The following PARD3 variants were observed in gnomAD, a reference collection of about 807,000 sequenced individuals.
PARD3 encodes the protein partitioning defective 3 homolog.
A neutral mutation model predicts 155.4 loss-of-function variants in PARD3; 75 were observed. That is an observed-to-expected ratio of 0.48 (90% confidence interval 0.40 to 0.58). The LOEUF is 0.58. Ranked by LOEUF, PARD3 falls within the 20% of genes least tolerant of loss-of-function variation. PARD3 has a pLI of 0.00. For missense variants in PARD3, 1,642 were observed against 1,721.7 expected (o/e 0.95, Z 0.82); for synonymous variants, 576 against 610.5 (o/e 0.94, Z 0.83).
At chr10:34,690,939 G>A (rs539562328) in intron 2 of PARD3, among the ~76,000 whole-genome samples, 76 of 152,298 alleles carry the variant, frequency 5.0e-4, no homozygotes, top group African/African-American at 1.1e-3. Flanking sequence ...ACAGCCGAGC[G>A]CAGTGGCTCA....
intron 20 of PARD3, among the ~76,000 whole-genome samples, chr10:34,297,136 C>G (rs1407790145): frequency 6.6e-6 from 1 of 152,094 alleles, no homozygotes; most frequent in East Asian, 1.9e-4. Flanking sequence ...GACCACGTCT[C>G]TAGAAAATAT....
rs182317076 is a variant in PARD3 at position 34,181,386 on chromosome 10, G to A, written c.3420-49803C>T. Among the ~76,000 whole-genome samples the A allele has an allele frequency of 1.3e-4, 20 of 152,200 alleles. No homozygotes were observed. The East Asian group carries it at 2.9e-3, about 22-fold the overall frequency. On this transcript the variant is annotated intron_variant, in intron 22 of 24. Transcript: ENST00000374788. ...GTTCAAAAATACGTATCTGTATAAC[G>A]ACCAGTTTGCAAGTTGAAAAGCATT...
At chr10:34,413,893 A>G (rs1845383465) in intron 5 of PARD3, among the ~76,000 whole-genome samples, 2 of 152,232 alleles carry the variant, frequency 1.3e-5, no homozygotes, top group Admixed American at 1.3e-4. Context: ...TAGTAATAAC[A>G]TTGCAAATGT....
rs568992613 is a variant in PARD3, at chr10:34,204,505, C to T, written c.3419+65152G>A. Among the ~76,000 whole-genome samples, 6 of 152,282 alleles carry T rather than the reference C, an allele frequency of 3.9e-5. No individual in the cohort carries two copies. In the East Asian group the frequency reaches 5.8e-4, roughly 15 times the overall value. On this transcript the variant is annotated intron_variant, in intron 22 of 24. Transcript: ENST00000374788. The stretch of plus-strand genomic sequence containing the variant: ...CCCCTTAACGACCTCCACCTTGCAA[C>T]CTTCATTTAACCCAAAACTCAGGGC...
At chr10:34,260,860 T>G (rs752822368) in intron 22 of PARD3, among the ~76,000 whole-genome samples, 1 of 152,190 alleles carries the variant, frequency 6.6e-6, no homozygotes, top group Non-Finnish European at 1.5e-5. Context: ...AGTGCCTATA[T>G]CTAAGAAAAT....
chr10:34,382,833 AGTT>A lies in PARD3; in HGVS notation c.1103_1105del (p.Gln368del), dbSNP rs768248000. 6.2e-7 allele frequency: 1 copy of A among 1,614,190 alleles called. No homozygotes were observed. The highest frequency in any genetic ancestry group is 1.1e-5 in the South Asian group (1 of 91,090). On this transcript the variant is annotated inframe_deletion, in exon 9 of 25. Coordinates refer to ENST00000374788, the MANE Select transcript of PARD3 (RefSeq NM_001184785.2). ...GTAATTGTTCTTCTCACTTTGGGAT[AGTT>A]GTTCATACTGCTCTTTATTTGCTGC...
At chr10:34,611,544 G>A (rs1320045155) in intron 2 of PARD3, among the ~76,000 whole-genome samples, 5 of 152,064 alleles carry the variant, frequency 3.3e-5, no homozygotes. Context: ...AATATGACCA[G>A]AAAAATTAAC....
At chr10:34,798,081 A>C (rs1164748404) in intron 1 of PARD3, among the ~76,000 whole-genome samples, 2 of 152,112 alleles carry the variant, frequency 1.3e-5, no homozygotes, top group Non-Finnish European at 2.9e-5. Context: ...GTGTTATGGG[A>C]GGCTGAGGCA....
intron 22 of PARD3, among the ~76,000 whole-genome samples, chr10:34,204,409 G>C (rs11009677): frequency 6.6e-6 from 1 of 152,178 alleles, no homozygotes; most frequent in Admixed American, 6.5e-5. Context: ...GTGTTGGCAG[G>C]CTGGGTAGGA....
At chr10:34,663,959 G>A (rs1358488106) in intron 2 of PARD3, 1 of 152,244 alleles carries the variant, frequency 6.6e-6, no homozygotes, top group Non-Finnish European at 1.5e-5. Context: ...CATTCAACCA[G>A]CCCTGGTGTT....
At chr10:34,593,713 G>A (rs2088946441) in intron 2 of PARD3, among the ~76,000 whole-genome samples, 1 of 152,214 alleles carries the variant, frequency 6.6e-6, no homozygotes, top group African/African-American at 2.4e-5. Context: ...GGAACAGAGA[G>A]CCTGCCATTT....
At chr10:34,301,641 C>T (rs911098696) in intron 20 of PARD3, among the ~76,000 whole-genome samples, 9 of 152,214 alleles carry the variant, frequency 5.9e-5, no homozygotes, top group Non-Finnish European at 1.0e-4. Context: ...CAGCCCTTCC[C>T]CCTCTTCCAC....
intron 23 of PARD3, among the ~76,000 whole-genome samples, chr10:34,120,280 C>T (rs1375727230): frequency 1.3e-5 from 2 of 148,484 alleles, no homozygotes; most frequent in African/African-American, 5.0e-5. Context: ...GCTGAGATTA[C>T]AGGTGTAAGC....
chr10:34,189,982 A>G (rs780128353), intron 22 of PARD3, among the ~76,000 whole-genome samples: 1 of 152,148 alleles, frequency 6.6e-6, no homozygotes, highest in Non-Finnish European at 1.5e-5. Context: ...TTATTGTATG[A>G]CAGAGTGTAC....
chr10:34,672,614 T>C (rs1427210670), intron 2 of PARD3, among the ~76,000 whole-genome samples: 1 of 152,186 alleles, frequency 6.6e-6, no homozygotes, highest in Non-Finnish European at 1.5e-5. Flanking sequence ...GGTCAGGAGT[T>C]CGAGGTTCCA....
At chr10:34,477,914 T>A (rs890620406) in intron 3 of PARD3, among the ~76,000 whole-genome samples, 1 of 152,224 alleles carries the variant, frequency 6.6e-6, no homozygotes, top group African/African-American at 2.4e-5. Flanking sequence ...TAAAGAGACA[T>A]CTAACCATGG....
At chr10:34,577,444 G>A (rs1040533336) in intron 2 of PARD3, among the ~76,000 whole-genome samples, 1 of 152,162 alleles carries the variant, frequency 6.6e-6, no homozygotes, top group African/African-American at 2.4e-5. Flanking sequence ...ACCTTGCACC[G>A]AAGCACAAGC....
intron 1 of PARD3, among the ~76,000 whole-genome samples, chr10:34,712,322 T>G (rs1315771316): frequency 6.6e-6 from 1 of 152,210 alleles, no homozygotes; most frequent in Non-Finnish European, 1.5e-5. Context: ...GATATTCTGC[T>G]CCAGAACTCA....
At chr10:34,574,071 G>A (rs2086691928) in intron 2 of PARD3, among the ~76,000 whole-genome samples, 2 of 151,762 alleles carry the variant, frequency 1.3e-5, no homozygotes, top group Non-Finnish European at 2.9e-5. Flanking sequence ...AATTAATATA[G>A]TATATTCTAT....
Sources: allele counts gnomAD v4.1 joint callset (sites outside exome capture counted in the v4.1 genomes callset), GRCh38; gene constraint gnomAD v4.1.1; transcripts MANE v1.5; gene names NCBI Gene and HGNC (gene_info 2026-07-23, HGNC 2026-07-21).